Variants in BRD7 observed in about 807,000 individuals in gnomAD.
The protein encoded by BRD7 is bromodomain-containing protein 7.
A neutral mutation model predicts 82.1 loss-of-function variants in BRD7; 15 were observed. That is an observed-to-expected ratio of 0.18 (90% confidence interval 0.12 to 0.28). The LOEUF (loss-of-function observed/expected upper bound fraction) is 0.28. Among genes scored for constraint, BRD7 ranks in the 10% least tolerant of loss-of-function variants. The pLI, the probability that BRD7 is intolerant of heterozygous loss-of-function variation, is 1.00. For missense variants in BRD7, 638 were observed against 779.9 expected, an observed-to-expected ratio of 0.82 and a Z score of 2.17; for synonymous variants, 232 against 266.9, an observed-to-expected ratio of 0.87 and a Z score of 1.27.
intron 5 of BRD7, among the ~76,000 whole-genome samples, chr16:50,343,315 G>A (rs2038148257): frequency 6.6e-6 from 1 of 152,176 alleles, no homozygotes; most frequent in South Asian, 2.1e-4. Flanking sequence ...ACAAGATCTG[G>A]TTGTTTGAAA....
intron 2 of BRD7, among the ~76,000 whole-genome samples, chr16:50,356,755 CAT>C (rs1446159806): frequency 6.0e-5 from 9 of 150,312 alleles, no homozygotes; most frequent in Non-Finnish European, 1.2e-4. Flanking sequence ...CACACACACA[CAT>C]ATATATATGG....
intron 4 of BRD7, among the ~76,000 whole-genome samples, chr16:50,351,799 C>T (rs1481208400): frequency 2.0e-5 from 3 of 151,980 alleles, no homozygotes; most frequent in African/African-American, 7.3e-5. Context: ...TATATACTAA[C>T]ATACATATAT....
At chr16:50,349,672 G>A (rs1040216647) in intron 5 of BRD7, 8 of 453,638 alleles carry the variant, frequency 1.8e-5, no homozygotes, top group African/African-American at 1.4e-4. Flanking sequence ...TATCTCATAT[G>A]TCTAGAAATA....
chr16:50,325,663 C>A, intron 11 of BRD7, 85 bp downstream of exon 11: 1 of 1,300,092 alleles, frequency 7.7e-7, no homozygotes, highest in Non-Finnish European at 1.0e-6. Context: ...TACTACTCGG[C>A]CAGCTTTGTC....
chr16:50,341,687 C>G (rs139176595), intron 5 of BRD7, among the ~76,000 whole-genome samples: 5 of 148,234 alleles, frequency 3.4e-5, no homozygotes, highest in African/African-American at 1.3e-4. Context: ...GGGGATGGGA[C>G]GCAAGTGAAC....
chr16:50,331,336 AAGG>A (rs530270848), intron 8 of BRD7, among the ~76,000 whole-genome samples: 15 of 152,362 alleles, frequency 9.8e-5, no homozygotes, highest in African/African-American at 3.1e-4. Flanking sequence ...TGGAACCAAA[AAGG>A]AGCCTGAAGT....
At chr16:50,351,214 G>A (rs1410546310) in intron 4 of BRD7, among the ~76,000 whole-genome samples, 1 of 152,150 alleles carries the variant, frequency 6.6e-6, no homozygotes, top group Non-Finnish European at 1.5e-5. Context: ...CAAAGTGGTG[G>A]TATCCTCCAC....
chr16:50,368,689 CGAGG>C, intron 1 of BRD7, 33 bp downstream of exon 1: 1 of 1,535,916 alleles, frequency 6.5e-7, no homozygotes, highest in East Asian at 2.8e-5. Context: ...GCAGAGCCGC[CGAGG>C]GCCCGCCGCC....
At chr16:50,361,954 A>C (rs1475657757) in intron 2 of BRD7, 2 of 152,166 alleles carry the variant, frequency 1.3e-5, no homozygotes, top group African/African-American at 4.8e-5. Flanking sequence ...ACATAAATAA[A>C]AATTGGGTTG....
At chr16:50,355,912 C>CT (rs1403023442) in intron 2 of BRD7, among the ~76,000 whole-genome samples, 1 of 152,120 alleles carries the variant, frequency 6.6e-6, no homozygotes, top group Non-Finnish European at 1.5e-5. Flanking sequence ...AGATAAAGTA[C>CT]TTGAAACACA....
intron 2 of BRD7, among the ~76,000 whole-genome samples, chr16:50,361,384 A>C (rs950801878): frequency 6.6e-6 from 1 of 152,172 alleles, no homozygotes; most frequent in Non-Finnish European, 1.5e-5. Context: ...TTCTCATTTT[A>C]TTCTGATAAC....
intron 2 of BRD7, among the ~76,000 whole-genome samples, chr16:50,366,516 T>C (rs931459118): frequency 6.6e-6 from 1 of 152,268 alleles, no homozygotes; most frequent in Admixed American, 6.5e-5. Context: ...TATATTTGCA[T>C]ACTATACTTG....
chr16:50,328,582 C>G, intron 9 of BRD7, 87 bp downstream of exon 9: 1 of 1,155,854 alleles, frequency 8.7e-7, no homozygotes, highest in Non-Finnish European at 1.3e-6. Context: ...GATCAATATT[C>G]AAGCTTGTTG....
intron 11 of BRD7, among the ~76,000 whole-genome samples, chr16:50,324,271 T>C (rs2037241691): frequency 6.6e-6 from 1 of 152,156 alleles, no homozygotes; most frequent in African/African-American, 2.4e-5. Flanking sequence ...GAAATCCTAC[T>C]GGCTGATGAC....
chr16:50,351,032 T>C (rs892033835), intron 4 of BRD7, among the ~76,000 whole-genome samples: 1 of 152,252 alleles, frequency 6.6e-6, no homozygotes, highest in African/African-American at 2.4e-5. Flanking sequence ...ATCATTATGC[T>C]AATTTTTTTT....
intron 9 of BRD7, 27 bp downstream of exon 9, chr16:50,328,642 T>A (rs1237825532): frequency 6.3e-7 from 1 of 1,595,958 alleles, no homozygotes; most frequent in Non-Finnish European, 8.5e-7. Flanking sequence ...AGCATCAAGT[T>A]CATGCACAGT....
Position 50,368,880 on chromosome 16 carries a change from C to G in BRD7, c.-106G>C, listed in dbSNP as rs1239378766. ...GAGGGCGGGAGCGGGGCCCGCGAGACCCCGCGCCGCGAGGCAGGGGGGCGG... is the reference window on the plus strand; with the variant it reads ...GAGGGCGGGAGCGGGGCCCGCGAGAGCCCGCGCCGCGAGGCAGGGGGGCGG... On this transcript the variant is annotated 5_prime_UTR_variant, in exon 1 of 17. Transcript: ENST00000394688. 1.4e-6 allele frequency: 1 copy of G among 733,690 alleles called. No individual in the cohort carries two copies. Among genetic ancestry groups the G allele is most frequent in the Non-Finnish European group, 1.7e-6 (1 of 586,524 alleles). The allele number at this position is 733,690 out of a possible 1,614,324, so 45.4% of individuals were successfully genotyped here. A position where few individuals can be genotyped will look rare whatever the true frequency, so the allele number is the denominator to read the frequency against.
intron 5 of BRD7, among the ~76,000 whole-genome samples, chr16:50,347,387 A>G (rs1393341505): frequency 1.3e-5 from 2 of 152,360 alleles, no homozygotes; most frequent in East Asian, 3.9e-4. Flanking sequence ...CCTATTTAAC[A>G]TAGTGTTGGA....
intron 6 of BRD7, among the ~76,000 whole-genome samples, chr16:50,337,750 T>A (rs957260448): frequency 6.6e-6 from 1 of 152,008 alleles, no homozygotes; most frequent in South Asian, 2.1e-4. Context: ...AAGAGTTAAC[T>A]CAAAAGGTCT....
Sources: gnomAD v4.1 joint callset for allele counts (sites outside exome capture counted in the v4.1 genomes callset) on GRCh38, gnomAD v4.1.1 for gene constraint, MANE v1.5 for transcripts, NCBI Gene and HGNC (gene_info 2026-07-23, HGNC 2026-07-21) for gene names.